PCMTD1: variants seen among roughly 807,000 people sequenced by gnomAD.
PCMTD1 encodes the protein protein-L-isoaspartate (D-aspartate) O-methyltransferase domain containing 1.
PCMTD1 carries 12 observed loss-of-function variants against 37.6 expected under a neutral mutation model. The observed-to-expected ratio is 0.32, with a 90% CI of 0.20 to 0.52. The LOEUF (loss-of-function observed/expected upper bound fraction) is 0.52. Ranked by LOEUF, PCMTD1 falls within the 20% of genes least tolerant of loss-of-function variation. The pLI, the probability that PCMTD1 is intolerant of heterozygous loss-of-function variation, is 0.97. For synonymous variants in PCMTD1, 117 were observed against 135.8 expected, an observed-to-expected ratio of 0.86 and a Z score of 0.96; for missense variants, 235 against 421.3, an observed-to-expected ratio of 0.56 and a Z score of 3.87.
chr8:51,820,538 A>C lies in PCMTD1; in HGVS notation c.887T>G (p.Ile296Ser). 1.2e-6 allele frequency: 2 copies of C among 1,612,604 alleles called. No individual in the cohort carries two copies. The highest frequency in any genetic ancestry group is 1.7e-6 in the Non-Finnish European group (2 of 1,179,594). The change falls in exon 6 of 6, where the codon ATT becomes AGT. Residue 296 changes from isoleucine (I) to serine (S), a missense_variant. Physicochemically the swap from Ile to Ser is moderately radical, Grantham distance 142. Coordinates refer to ENST00000522514, the MANE Select transcript of PCMTD1 (RefSeq NM_052937.4). ...NTYVFVGNQLIPQPLDSEEDE... is the reference protein window; with the variant it reads ...NTYVFVGNQLSPQPLDSEEDE... ...CTCTTCACTGTCTAGAGGCTGAGGA[A>C]TAAGCTGATTACCCACAAATACGTA...
At chr8:51,826,995 A>T in intron 5 of PCMTD1, 1 of 938,556 alleles carries the variant, frequency 1.1e-6, no homozygotes, top group Non-Finnish European at 1.3e-6. Flanking sequence ...CAAATAATTT[A>T]TATATATATT....
chr8:51,875,987 T>C (rs7000493), intron 1 of PCMTD1, among the ~76,000 whole-genome samples: 104,394 of 151,950 alleles, frequency 0.69, 42,301 homozygotes, highest in Non-Finnish European at 0.9. Context: ...TGCATGTGCG[T>C]GCACGCATGC....
intron 3 of PCMTD1, among the ~76,000 whole-genome samples, chr8:51,843,206 C>T (rs2038172496): frequency 6.6e-6 from 1 of 151,700 alleles, no homozygotes; most frequent in Non-Finnish European, 1.5e-5. Flanking sequence ...TCCAGCCACT[C>T]ATTATGCAAA....
chr8:51,833,538 C>A lies in PCMTD1; in HGVS notation c.562G>T (p.Val188Phe). 6.2e-7 allele frequency: 1 copy of A among 1,611,762 alleles called. No homozygotes were observed. Among genetic ancestry groups the A allele is most frequent in the Non-Finnish European group, 8.5e-7 (1 of 1,178,702 alleles). Residue 188 changes from valine to phenylalanine, a missense_variant, in exon 4 of 6, where the codon GTC becomes TTC. Val to Phe is a conservative substitution (Grantham distance 50). This residue lies in a region of PCMTD1 where 183 missense variants were observed against 349.3 expected (regional missense o/e 0.52). Coordinates refer to ENST00000522514, the MANE Select transcript of PCMTD1 (RefSeq NM_052937.4). ...KILLKVGGIL[V>F]MPIEDQLTQI... is the part of the protein sequence containing the mutation. Reference sequence around the variant, plus strand: ...GTTACCTGATCCTCTATAGGCATGACTAATATGCCTCCAACTTTTAGTAAT... The same window carrying A: ...GTTACCTGATCCTCTATAGGCATGAATAATATGCCTCCAACTTTTAGTAAT...
intron 3 of PCMTD1, chr8:51,844,822 A>G (rs1167916476): frequency 1.3e-5 from 2 of 152,280 alleles, no homozygotes; most frequent in African/African-American, 4.8e-5. Context: ...AGGGCTGGAT[A>G]TAAATGAGGG....
At chr8:51,878,231 T>G (rs2129291200) in intron 1 of PCMTD1, among the ~76,000 whole-genome samples, 1 of 148,218 alleles carries the variant, frequency 6.7e-6, no homozygotes, top group Admixed American at 7.1e-5. Flanking sequence ...TCTTAAAATA[T>G]TATGAGATTT....
Position 51,885,956 on chromosome 8 carries a change from T to C in PCMTD1, c.-96+12974A>G, listed in dbSNP as rs74532482. 1.9e-4 allele frequency among the ~76,000 whole-genome samples: 29 copies of C among 152,336 alleles called. No individual in the cohort carries two copies. In the East Asian group the frequency reaches 5.0e-3, roughly 26 times the overall value. On this transcript the variant is annotated intron_variant, in intron 1 of 5. Transcript: ENST00000522514. Reference sequence around the variant, plus strand: ...TTTCTCCTTTAACAACTAGTGAGCATTGGAAATGCATTTTTAAATGTGTAC... The same window carrying C: ...TTTCTCCTTTAACAACTAGTGAGCACTGGAAATGCATTTTTAAATGTGTAC...
At chr8:51,886,239 G>A (rs2038863144) in intron 1 of PCMTD1, among the ~76,000 whole-genome samples, 1 of 152,084 alleles carries the variant, frequency 6.6e-6, no homozygotes, top group Non-Finnish European at 1.5e-5. Context: ...ATCCTCTTTA[G>A]CTGAAATTTT....
intron 3 of PCMTD1, among the ~76,000 whole-genome samples, chr8:51,843,970 A>C (rs1218289443): frequency 6.6e-6 from 1 of 152,206 alleles, no homozygotes; most frequent in Admixed American, 6.6e-5. Flanking sequence ...TTCTAAATTC[A>C]AATGTACTCA....
chr8:51,898,472 A>T (rs1267419548), intron 1 of PCMTD1, among the ~76,000 whole-genome samples: 1 of 151,870 alleles, frequency 6.6e-6, no homozygotes, highest in Non-Finnish European at 1.5e-5. Context: ...TCTGCCTCCA[A>T]AACCAAAACA....
At chr8:51,854,801 T>C (rs1481120023) in intron 2 of PCMTD1, among the ~76,000 whole-genome samples, 1 of 151,264 alleles carries the variant, frequency 6.6e-6, no homozygotes, top group African/African-American at 2.4e-5. Context: ...TGCTTGAACC[T>C]GGGAGGCGGA....
At chr8:51,840,148 G>T (rs950167370) in intron 3 of PCMTD1, among the ~76,000 whole-genome samples, 26 of 152,258 alleles carry the variant, frequency 1.7e-4, no homozygotes, top group Middle Eastern at 3.4e-3. Context: ...TGTGTTTCAA[G>T]TAAATACAGT....
chr8:51,839,380 C>A, intron 3 of PCMTD1: 1 of 833,728 alleles, frequency 1.2e-6, no homozygotes, highest in Non-Finnish European at 1.4e-6. Context: ...AAATATAGAG[C>A]ACACAGATAT....
intron 1 of PCMTD1, among the ~76,000 whole-genome samples, chr8:51,893,771 T>C (rs1416331375): frequency 6.6e-6 from 1 of 152,220 alleles, no homozygotes; most frequent in Non-Finnish European, 1.5e-5. Context: ...TTTAGTTCTG[T>C]TGTGGACACA....
chr8:51,831,268 A>G (rs1331599074), intron 5 of PCMTD1, among the ~76,000 whole-genome samples, 176 bp downstream of exon 5: 2 of 150,774 alleles, frequency 1.3e-5, no homozygotes, highest in African/African-American at 4.9e-5. Context: ...ACTGCACTCG[A>G]GCCTGGGCAA....
chr8:51,840,199 C>T (rs1165014211), intron 3 of PCMTD1, among the ~76,000 whole-genome samples: 2 of 152,022 alleles, frequency 1.3e-5, no homozygotes, highest in African/African-American at 4.8e-5. Context: ...TTCATAGTAA[C>T]AAAAACAATC....
chr8:51,857,862 C>T (rs956031584), intron 2 of PCMTD1, among the ~76,000 whole-genome samples: 1 of 152,068 alleles, frequency 6.6e-6, no homozygotes, highest in Non-Finnish European at 1.5e-5. Flanking sequence ...ATTAACCACG[C>T]GTGTTGGTAC....
At chr8:51,893,625 T>C (rs1365293307) in intron 1 of PCMTD1, among the ~76,000 whole-genome samples, 1 of 152,192 alleles carries the variant, frequency 6.6e-6, no homozygotes, top group Non-Finnish European at 1.5e-5. Flanking sequence ...TACTAAATCA[T>C]TAATTTTTTT....
rs1275147049 is a variant in PCMTD1 at position 51,859,651 on chromosome 8, T to C, written c.307+1194A>G. On this transcript the variant is annotated intron_variant, in intron 2 of 5. Coordinates refer to ENST00000522514, the MANE Select transcript of PCMTD1 (RefSeq NM_052937.4). ...AGTCATAATGTGACCACATAATTTATTGTCCAAACTCAGACACTTCAAGGA... is the reference window on the plus strand; with the variant it reads ...AGTCATAATGTGACCACATAATTTACTGTCCAAACTCAGACACTTCAAGGA... Among the ~76,000 whole-genome samples, 9 of 152,154 alleles carry C rather than the reference T, an allele frequency of 5.9e-5. No homozygotes were observed. In the East Asian group the frequency reaches 1.7e-3, roughly 29 times the overall value.
Sources: gnomAD v4.1 joint callset for allele counts (sites outside exome capture counted in the v4.1 genomes callset) on GRCh38, gnomAD v4.1.1 for gene constraint, gnomAD v4.1.1 regional missense constraint, MANE v1.5 for transcripts, NCBI Gene and HGNC (gene_info 2026-07-23, HGNC 2026-07-21) for gene names.